VLDLR: variants seen among roughly 807,000 people sequenced by gnomAD.
The protein encoded by VLDLR is very low-density lipoprotein receptor.
Under a neutral mutation model 112.7 loss-of-function variants are expected in VLDLR, and 81 were observed. The ratio of observed to expected loss-of-function variants is 0.72; its 90% CI spans 0.60 to 0.86. VLDLR has a LOEUF of 0.86. VLDLR is among the 40% of genes least tolerant of loss of function. The pLI is 0.00. For synonymous variants in VLDLR, 436 were observed against 384.8 expected (o/e 1.13, Z -1.56); for missense variants, 1,237 against 1,099.4 (o/e 1.13, Z -1.77).
intron 1 of VLDLR, among the ~76,000 whole-genome samples, chr9:2,635,107 A>G (rs1438894227): frequency 6.6e-6 from 1 of 152,170 alleles, no homozygotes; most frequent in Admixed American, 6.5e-5. Context: ...TTCAGGTACC[A>G]GGAATGAAGA....
At chr9:2,646,685 A>T in intron 11 of VLDLR, 133 bp downstream of exon 11, 2 of 963,848 alleles carry the variant, frequency 2.1e-6, no homozygotes, top group Non-Finnish European at 3.2e-6. Flanking sequence ...ATTCTAATTT[A>T]AGATATCAGT....
intron 1 of VLDLR, among the ~76,000 whole-genome samples, chr9:2,623,890 T>A (rs1291909071): frequency 1.3e-5 from 2 of 152,208 alleles, no homozygotes; most frequent in African/African-American, 4.8e-5. Context: ...ACGCTAGCAT[T>A]AATCATTAAT....
Position 2,652,875 on chromosome 9 carries a change from T to C in VLDLR, c.2512T>C (p.Leu838=). The C allele has an allele frequency of 6.2e-7, 1 of 1,614,164 alleles. No homozygotes were observed. The highest frequency in any genetic ancestry group is 8.5e-7 in the Non-Finnish European group (1 of 1,180,014). The stretch of plus-strand genomic sequence containing the variant: ...CATGAACTTTGACAATCCTGTGTAC[T>C]TGAAAACCACTGAAGAGGACCTCTC... ...KSMNFDNPVY[L]KTTEEDLSID... Residue 838 remains leucine, a synonymous_variant, in exon 18 of 19, where the codon TTG becomes CTG. Transcript: ENST00000382100.
At chr9:2,628,485 A>C (rs1817196326) in intron 1 of VLDLR, among the ~76,000 whole-genome samples, 1 of 152,204 alleles carries the variant, frequency 6.6e-6, no homozygotes, top group Non-Finnish European at 1.5e-5. Flanking sequence ...GAAAAGTCTG[A>C]GGAAATTAGT....
rs1275480571 is a variant in VLDLR, at chr9:2,652,841, C to T, written c.2478C>T (p.Asn826=). ...TGTGGCGGAATTGGCAACACAAGAA[C>T]ATGAAAAGCATGAACTTTGACAATC... ...YLMWRNWQHK[N]MKSMNFDNPV... The change falls in exon 18 of 19, where the codon AAC becomes AAT. Residue 826 remains asparagine, a synonymous_variant. Coordinates refer to ENST00000382100, the MANE Select transcript of VLDLR (RefSeq NM_003383.5). 1 of 1,614,114 alleles carries T rather than the reference C, an allele frequency of 6.2e-7. No homozygotes were observed. The highest frequency in any genetic ancestry group is 8.5e-7 in the Non-Finnish European group (1 of 1,179,998).
At chr9:2,640,656 C>G (rs1426599712) in intron 3 of VLDLR, among the ~76,000 whole-genome samples, 1 of 152,132 alleles carries the variant, frequency 6.6e-6, no homozygotes, top group African/African-American at 2.4e-5. Context: ...GAGGCCTGCA[C>G]TGGTAGAAAC....
At position 2,622,466 on chromosome 9, in the gene VLDLR, AC is replaced by A. The variant is rs1816854234; in HGVS notation, c.82+196del. On this transcript the variant is annotated intron_variant, in intron 1 of 18. Coordinates refer to ENST00000382100, the MANE Select transcript of VLDLR (RefSeq NM_003383.5). ...GGCTAAAGGGAGCCGGGCTTGGGGA[AC>A]AGCGGGGTTCGGGGTGCCCCGACGC... 35 of 489,588 alleles carry A rather than the reference AC, an allele frequency of 7.1e-5. No homozygotes were observed. The South Asian group carries it at 1.6e-3, about 22-fold the overall frequency. 30.3% of individuals were successfully genotyped at this position (489,588 alleles called of 1,614,324 possible).
chr9:2,635,056 C>A (rs141465804), intron 1 of VLDLR, among the ~76,000 whole-genome samples: 21 of 152,276 alleles, frequency 1.4e-4, no homozygotes, highest in Admixed American at 6.5e-4. Flanking sequence ...TCGTCTGGCT[C>A]CATTTGCCCG....
intron 1 of VLDLR, among the ~76,000 whole-genome samples, chr9:2,633,616 A>T (rs1290351652): frequency 6.7e-6 from 1 of 149,594 alleles, no homozygotes; most frequent in South Asian, 2.1e-4. Context: ...CTAAAACCTT[A>T]AAAAAAAAAT....
intron 1 of VLDLR, among the ~76,000 whole-genome samples, chr9:2,630,684 A>C (rs1049506329): frequency 2.6e-5 from 4 of 152,158 alleles, no homozygotes; most frequent in African/African-American, 7.2e-5. Flanking sequence ...CTCCATGTCA[A>C]CCGCTACAGG....
Position 2,621,875 on chromosome 9 carries a change from C to T in VLDLR, c.-315C>T. 1 of 597,228 alleles carries T rather than the reference C, an allele frequency of 1.7e-6. No individual in the cohort carries two copies. Among genetic ancestry groups the T allele is most frequent in the Non-Finnish European group, 3.1e-6 (1 of 319,822 alleles). 37.0% of individuals were successfully genotyped at this position (597,228 alleles called of 1,614,324 possible). A position where few individuals can be genotyped will look rare whatever the true frequency, so the allele number is the denominator to read the frequency against. ...CTCTTCTGCTCTCGGCTCCCCACCCCCTCTCCCTTCCCTCCTCTCCCCTTG... is the reference window on the plus strand; with the variant it reads ...CTCTTCTGCTCTCGGCTCCCCACCCTCTCTCCCTTCCCTCCTCTCCCCTTG... On this transcript the variant is annotated 5_prime_UTR_variant, in exon 1 of 19. Coordinates refer to ENST00000382100, the MANE Select transcript of VLDLR (RefSeq NM_003383.5).
intron 1 of VLDLR, among the ~76,000 whole-genome samples, chr9:2,625,079 G>C (rs911981763): frequency 2.0e-5 from 3 of 152,210 alleles, no homozygotes; most frequent in Admixed American, 2.0e-4. Context: ...TGCTAGCAAA[G>C]GTGACAGTCT....
In VLDLR at chr9:2,639,891, T is replaced by G; in HGVS notation, c.235T>G (p.Cys79Gly). Residue 79 changes from cysteine (C) to glycine (G), a missense_variant, in exon 3 of 19, where the codon TGC becomes GGC. Physicochemically the swap from Cys to Gly is radical, Grantham distance 159. Coordinates refer to ENST00000382100, the MANE Select transcript of VLDLR (RefSeq NM_003383.5). ...KKTCAESDFV[C>G]NNGQCVPSRW... ...GACGTGTGCTGAATCTGACTTCGTG[T>G]GCAACAATGGCCAGTGTGTTCCCAG... 1 of 1,614,162 alleles carries G rather than the reference T, an allele frequency of 6.2e-7. No individual in the cohort carries two copies. Among genetic ancestry groups the G allele is most frequent in the Non-Finnish European group, 8.5e-7 (1 of 1,180,034 alleles).
intron 2 of VLDLR, among the ~76,000 whole-genome samples, chr9:2,638,867 GGTT>G (rs1292924394): frequency 6.6e-6 from 1 of 152,164 alleles, no homozygotes; most frequent in Admixed American, 6.5e-5. Flanking sequence ...ACTTTTAGCT[GGTT>G]GATGTTAGCC....
At chr9:2,651,567 A>G in intron 16 of VLDLR, 69 bp downstream of exon 16, 1 of 1,376,314 alleles carries the variant, frequency 7.3e-7, no homozygotes, top group Non-Finnish European at 1.0e-6. Context: ...TACAGCTTAA[A>G]TAATTAATGC....
rs1371011837 is a variant in VLDLR at position 2,657,324 on chromosome 9, G to A, written c.*3456G>A. 4 of 152,154 alleles carry A rather than the reference G, an allele frequency of 2.6e-5. No homozygotes were observed. The highest frequency in any genetic ancestry group is 9.7e-5 in the African/African-American group (4 of 41,432). The allele number at this position is 152,154 out of a possible 1,614,324, so 9.4% of individuals were successfully genotyped here. On this transcript the variant is annotated 3_prime_UTR_variant, in exon 19 of 19. Transcript: ENST00000382100. ...CAATGGTGGCAAAAACTTGCAAAAA[G>A]CAGATATACTTTTGCTAATTTAAGT...
chr9:2,651,655 C>T (rs1024956730), intron 16 of VLDLR, among the ~76,000 whole-genome samples, 157 bp downstream of exon 16: 1 of 152,188 alleles, frequency 6.6e-6, no homozygotes, highest in Non-Finnish European at 1.5e-5. Context: ...ATATCTTTTC[C>T]TGACTGATCT....
chr9:2,641,896 T>C (rs1160758359), intron 4 of VLDLR, among the ~76,000 whole-genome samples: 1 of 151,996 alleles, frequency 6.6e-6, no homozygotes. Flanking sequence ...GATTGGGTTA[T>C]TGGAATAAAT....
rs932545944 is a variant in VLDLR, at chr9:2,658,062, A to C, written c.*4194A>C. ...GAGGGAATGAATCTGAAGAGGGAAC[A>C]ATGGCGTTTTTCGAACTTATTTCTC... On this transcript the variant is annotated 3_prime_UTR_variant, in exon 19 of 19. Coordinates refer to ENST00000382100, the MANE Select transcript of VLDLR (RefSeq NM_003383.5). 4 of 152,214 alleles carry C rather than the reference A, an allele frequency of 2.6e-5. No individual in the cohort carries two copies. The highest frequency in any genetic ancestry group is 2.9e-5 in the Non-Finnish European group (2 of 68,044). The allele number at this position is 152,214 out of a possible 1,614,324, so 9.4% of individuals were successfully genotyped here. A position where few individuals can be genotyped will look rare whatever the true frequency, so the allele number is the denominator to read the frequency against.
Sources: gnomAD v4.1 joint callset for allele counts (sites outside exome capture counted in the v4.1 genomes callset) on GRCh38, gnomAD v4.1.1 for gene constraint, MANE v1.5 for transcripts, NCBI Gene and HGNC (gene_info 2026-07-23, HGNC 2026-07-21) for gene names.